Variants in SERPINC1 observed in about 807,000 individuals in gnomAD.
SERPINC1 encodes the protein serpin family C member 1.
In SERPINC1, 12 loss-of-function variants were observed where a neutral mutation model predicts 43.4. The observed-to-expected ratio is 0.28, with a 90% CI of 0.18 to 0.45. SERPINC1 has a LOEUF of 0.45. Among genes scored for constraint, SERPINC1 ranks in the 20% least tolerant of loss-of-function variants. The probability of loss-of-function intolerance (pLI) is 1.00; values close to 1 mark genes in which losing one functional copy is unlikely to be tolerated. For missense variants in SERPINC1, 423 were observed against 578.8 expected (o/e 0.73, Z 2.76); for synonymous variants, 210 against 218.9 (o/e 0.96, Z 0.36).
chr1:173,910,654 T>A, intron 4 of SERPINC1, 100 bp downstream of exon 4: 1 of 1,092,892 alleles, frequency 9.2e-7, no homozygotes, highest in South Asian at 1.3e-5. Flanking sequence ...GGCAGTCCAT[T>A]TGCCCTCTCA....
chr1:173,911,744 A>C, intron 3 of SERPINC1, 55 bp downstream of exon 3: 1 of 1,378,696 alleles, frequency 7.3e-7, no homozygotes, highest in Admixed American at 1.7e-5. Context: ...CCACCTCCTC[A>C]ATCTCTGAGT....
chr1:173,905,919 C>A (rs767746378), intron 6 of SERPINC1, among the ~76,000 whole-genome samples: 3 of 152,182 alleles, frequency 2.0e-5, no homozygotes, highest in Non-Finnish European at 4.4e-5. Flanking sequence ...ACCTTGTGTT[C>A]TTTCAAGCTA....
rs747142328 is a variant in SERPINC1 at position 173,909,825 on chromosome 1, G to A, written c.880C>T (p.Arg294Cys). Reference sequence around the variant, plus strand: ...AGCACCTGGGTGCCTTCAGCCACGCGCCGATAACGGAACTTGCCTTCCTGG... The same window carrying A: ...AGCACCTGGGTGCCTTCAGCCACGCACCGATAACGGAACTTGCCTTCCTGG... ...MYQEGKFRYR[R>C]VAEGTQVLEL... is the part of the protein sequence containing the mutation. The change falls in exon 5 of 7, where the codon CGC becomes TGC. Residue 294 changes from arginine to cysteine, a missense_variant. Arg to Cys is a radical substitution (Grantham distance 180, BLOSUM62 -3). Coordinates refer to ENST00000367698, the MANE Select transcript of SERPINC1 (RefSeq NM_000488.4). 12 of 1,614,092 alleles carry A rather than the reference G, an allele frequency of 7.4e-6. No homozygotes were observed. In the East Asian group the frequency reaches 1.8e-4, roughly 24 times the overall value.
chr1:173,915,124 G>T, intron 1 of SERPINC1: 1 of 1,436,170 alleles, frequency 7.0e-7, no homozygotes, highest in South Asian at 1.5e-5. Context: ...GCCTGGACGT[G>T]GTCATGTTGG....
At chr1:173,904,138 GAC>G in intron 6 of SERPINC1, 73 bp from the exon 7 acceptor site, 3 of 1,404,898 alleles carry the variant, frequency 2.1e-6, no homozygotes, top group Non-Finnish European at 3.0e-6. Context: ...ATCATCCACA[GAC>G]ACAGCAATTC....
intron 6 of SERPINC1, among the ~76,000 whole-genome samples, chr1:173,906,655 A>AT (rs950586676): frequency 9.0e-5 from 13 of 144,824 alleles, no homozygotes; most frequent in East Asian, 2.0e-4. Flanking sequence ...TTTTTTTAAG[A>AT]TTTTTTTGGT....
intron 6 of SERPINC1, 112 bp downstream of exon 6, chr1:173,907,322 GCTGTATTATAGCAGGC>G (rs1657557704): frequency 1.3e-6 from 1 of 768,900 alleles, no homozygotes; most frequent in African/African-American, 1.7e-5. Flanking sequence ...TTTGGAGAGG[GCTGTATTATAGCAGGC>G]CTGTGGAGGC....
intron 6 of SERPINC1, among the ~76,000 whole-genome samples, chr1:173,906,491 C>T (rs1657517946): frequency 6.6e-6 from 1 of 152,176 alleles, no homozygotes; most frequent in African/African-American, 2.4e-5. Flanking sequence ...GTCTAGTGCT[C>T]TAGTTGGAGC....
chr1:173,905,495 G>T (rs910651634), intron 6 of SERPINC1, among the ~76,000 whole-genome samples: 1 of 152,128 alleles, frequency 6.6e-6, no homozygotes, highest in Non-Finnish European at 1.5e-5. Context: ...CGAGTCAGGT[G>T]GATCACTTAA....
rs759734009 is a variant in SERPINC1, at chr1:173,909,753, G to C, written c.952C>G (p.Pro318Ala). The C allele has an allele frequency of 6.2e-7, 1 of 1,614,180 alleles. No homozygotes were observed. Among genetic ancestry groups the C allele is most frequent in the Non-Finnish European group, 8.5e-7 (1 of 1,180,000 alleles). Residue 318 changes from proline to alanine, a missense_variant, in exon 5 of 7, where the codon CCC becomes GCC. Transcript: ENST00000367698. Reference protein sequence around the residue: ...GDDITMVLILPKPEKSLAKVE... With the variant: ...GDDITMVLILAKPEKSLAKVE... ...TTGGCCAGGCTCTTCTCAGGCTTGG[G>C]CAAGATGAGGACCATGGTGATGTCA...
At chr1:173,906,635 CTTTT>C (rs746811672) in intron 6 of SERPINC1, among the ~76,000 whole-genome samples, 1 of 141,272 alleles carries the variant, frequency 7.1e-6, no homozygotes, top group African/African-American at 2.6e-5. Context: ...AGTCTCCAAA[CTTTT>C]TTTTTTTTTT....
Position 173,904,081 on chromosome 1 carries a change from G to A in SERPINC1, c.1219-16C>T, listed in dbSNP as rs1557900231. On this transcript the variant is annotated splice_polypyrimidine_tract_variant and intron_variant, in intron 6 of 6. Coordinates refer to ENST00000367698, the MANE Select transcript of SERPINC1 (RefSeq NM_000488.4). ...CTTCATTTACCTGCAGGTCACATGG[G>A]AAATAAAACTAAATTAGCCACTCTG... 6.2e-7 allele frequency: 1 copy of A among 1,613,484 alleles called. No individual in the cohort carries two copies.
At chr1:173,909,531 G>A (rs551575090) in intron 5 of SERPINC1, 21 bp downstream of exon 5, 1 of 1,612,542 alleles carries the variant, frequency 6.2e-7, no homozygotes, top group African/African-American at 1.3e-5. Context: ...GAGAAGGGAG[G>A]AAACTCCTTC....
chr1:173,911,329 G>A (rs1182026128), intron 3 of SERPINC1, among the ~76,000 whole-genome samples: 1 of 152,182 alleles, frequency 6.6e-6, no homozygotes, highest in Admixed American at 6.5e-5. Flanking sequence ...TGCCCATGCA[G>A]TCAAATACAT....
At chr1:173,905,675 C>G (rs1015928311) in intron 6 of SERPINC1, among the ~76,000 whole-genome samples, 3 of 151,936 alleles carry the variant, frequency 2.0e-5, no homozygotes, top group East Asian at 1.9e-4. Flanking sequence ...GAACTGAGAT[C>G]ATACCACTGC....
intron 5 of SERPINC1, among the ~76,000 whole-genome samples, chr1:173,908,925 G>A (rs1389240977): frequency 6.6e-6 from 1 of 152,090 alleles, no homozygotes; most frequent in Non-Finnish European, 1.5e-5. Context: ...CCAGCACTTT[G>A]GGAAGCCAAG....
intron 6 of SERPINC1, among the ~76,000 whole-genome samples, chr1:173,905,078 G>C (rs1196042116): frequency 6.6e-6 from 1 of 152,118 alleles, no homozygotes; most frequent in Admixed American, 6.5e-5. Flanking sequence ...TAGTAACTCA[G>C]ACCCCTCAAG....
At position 173,909,638 on chromosome 1, in the gene SERPINC1, C is replaced by A. The variant is rs373515340; in HGVS notation, c.1067G>T (p.Arg356Leu). ...MMLVVHMPRF[R>L]IEDGFSLKEQ... ...CTTCAAACTGAAGCCGTCCTCAATG[C>A]GGAAGCGGGGCATGTGGACCACCAG... The change falls in exon 5 of 7, where the codon CGC becomes CTC. Residue 356 changes from arginine (R) to leucine (L), a missense_variant. Coordinates refer to ENST00000367698, the MANE Select transcript of SERPINC1 (RefSeq NM_000488.4). The A allele has an allele frequency of 1.2e-6, 2 of 1,613,914 alleles. No homozygotes were observed. The highest frequency in any genetic ancestry group is 1.7e-6 in the Non-Finnish European group (2 of 1,179,860).
At chr1:173,906,157 A>G (rs920357254) in intron 6 of SERPINC1, among the ~76,000 whole-genome samples, 2 of 152,202 alleles carry the variant, frequency 1.3e-5, no homozygotes, top group Non-Finnish European at 2.9e-5. Context: ...CTCATTGTGC[A>G]TAAGAATCCC....
Sources: allele counts gnomAD v4.1 joint callset (sites outside exome capture counted in the v4.1 genomes callset), GRCh38; gene constraint gnomAD v4.1.1; transcripts MANE v1.5; gene names NCBI Gene and HGNC (gene_info 2026-07-23, HGNC 2026-07-21).